SIPA1L2: variants seen among roughly 807,000 people sequenced by gnomAD.
SIPA1L2 encodes the protein signal-induced proliferation-associated 1-like protein 2.
SIPA1L2 carries 56 observed loss-of-function variants against 163.9 expected under a neutral mutation model. The observed-to-expected ratio is 0.34, with a 90% CI of 0.28 to 0.43. SIPA1L2 has a LOEUF of 0.43. Among genes scored for constraint, SIPA1L2 ranks in the 20% least tolerant of loss-of-function variants. The pLI, the probability that SIPA1L2 is intolerant of heterozygous loss-of-function variation, is 1.00. For missense variants in SIPA1L2, 1,974 were observed against 2,193.5 expected, an observed-to-expected ratio of 0.90 and a Z score of 2.00; for synonymous variants, 877 against 865.7, an observed-to-expected ratio of 1.01 and a Z score of -0.23.
At chr1:232,459,453 T>C (rs1664110825) in intron 10 of SIPA1L2, among the ~76,000 whole-genome samples, 3 of 152,166 alleles carry the variant, frequency 2.0e-5, no homozygotes, top group African/African-American at 7.2e-5. Flanking sequence ...CCTACTATCT[T>C]TGGATAATCA....
intron 2 of SIPA1L2, among the ~76,000 whole-genome samples, chr1:232,544,423 GGTGGCAGGCGCCTGT>G (rs1374463005): frequency 1.3e-5 from 2 of 152,138 alleles, no homozygotes; most frequent in African/African-American, 4.8e-5. Flanking sequence ...AGCCAGGCGT[GGTGGCAGGCGCCTGT>G]AGTCCCAGCT....
intron 18 of SIPA1L2, among the ~76,000 whole-genome samples, chr1:232,423,067 C>G (rs1237126090): frequency 6.6e-6 from 1 of 152,170 alleles, no homozygotes; most frequent in Admixed American, 6.5e-5. Flanking sequence ...CAATGCTGAA[C>G]TGGCAGTGAG....
chr1:232,440,049 A>G (rs2102857862), intron 14 of SIPA1L2, among the ~76,000 whole-genome samples: 1 of 152,370 alleles, frequency 6.6e-6, no homozygotes, highest in South Asian at 2.1e-4. Flanking sequence ...GCTGCAAAGT[A>G]CACGGTAAAC....
At chr1:232,608,267 C>T (rs1301713504) in intron 1 of SIPA1L2, among the ~76,000 whole-genome samples, 9 of 152,092 alleles carry the variant, frequency 5.9e-5, no homozygotes, top group Non-Finnish European at 7.3e-5. Context: ...AGGCTGGTCT[C>T]GAACTCCTGA....
At chr1:232,508,550 C>T (rs1213707091) in intron 3 of SIPA1L2, among the ~76,000 whole-genome samples, 3 of 152,238 alleles carry the variant, frequency 2.0e-5, no homozygotes, top group African/African-American at 7.2e-5. Context: ...GGAAACCAGA[C>T]TCACTGATGC....
At chr1:232,527,509 T>C (rs1339763584) in intron 2 of SIPA1L2, among the ~76,000 whole-genome samples, 5 of 152,194 alleles carry the variant, frequency 3.3e-5, no homozygotes, top group African/African-American at 7.2e-5. Flanking sequence ...ATGTTTCAAG[T>C]ATGAACTGAG....
chr1:232,550,463 TA>T (rs1658310734), intron 2 of SIPA1L2, among the ~76,000 whole-genome samples: 1 of 152,214 alleles, frequency 6.6e-6, no homozygotes, highest in Non-Finnish European at 1.5e-5. Flanking sequence ...CACCTTCATT[TA>T]TATAAGAAAT....
chr1:232,578,768 C>G (rs920577912), intron 1 of SIPA1L2, among the ~76,000 whole-genome samples: 1 of 152,110 alleles, frequency 6.6e-6, no homozygotes, highest in Non-Finnish European at 1.5e-5. Context: ...AATTAATGTT[C>G]CACTCTTTTA....
intron 2 of SIPA1L2, among the ~76,000 whole-genome samples, chr1:232,521,134 T>C (rs978369547): frequency 6.6e-6 from 1 of 152,214 alleles, no homozygotes; most frequent in Non-Finnish European, 1.5e-5. Flanking sequence ...ATAAATATTT[T>C]TGAACATGAG....
chr1:232,427,201 G>A (rs967478028), intron 17 of SIPA1L2, among the ~76,000 whole-genome samples: 6 of 152,176 alleles, frequency 3.9e-5, no homozygotes, highest in South Asian at 2.1e-4. Context: ...ACAGTATCAT[G>A]TACATGACTT....
chr1:232,414,331 T>A (rs901053498), intron 19 of SIPA1L2, among the ~76,000 whole-genome samples: 3 of 152,072 alleles, frequency 2.0e-5, no homozygotes, highest in Admixed American at 1.3e-4. Context: ...ACCAGCTGGG[T>A]AGAGCGAAGC....
chr1:232,529,088 A>C (rs1342185979), intron 2 of SIPA1L2, among the ~76,000 whole-genome samples: 1 of 152,204 alleles, frequency 6.6e-6, no homozygotes, highest in African/African-American at 2.4e-5. Flanking sequence ...AAATGCTAAC[A>C]GTTAGGTCAT....
intron 3 of SIPA1L2, among the ~76,000 whole-genome samples, chr1:232,510,247 T>C (rs1234185793): frequency 6.6e-6 from 1 of 151,472 alleles, no homozygotes; most frequent in Non-Finnish European, 1.5e-5. Flanking sequence ...TATATATATA[T>C]GAATAAAGAT....
chr1:232,614,171 T>C (rs12024119), intron 1 of SIPA1L2, among the ~76,000 whole-genome samples: 1 of 152,118 alleles, frequency 6.6e-6, no homozygotes, highest in African/African-American at 2.4e-5. Flanking sequence ...GATTGCCAGA[T>C]ACTTCGTGTA....
intron 18 of SIPA1L2, among the ~76,000 whole-genome samples, chr1:232,418,638 G>A (rs889079807): frequency 1.3e-5 from 2 of 152,156 alleles, no homozygotes; most frequent in East Asian, 1.9e-4. Flanking sequence ...AGATGGTTTC[G>A]GGGTGTATAT....
intron 2 of SIPA1L2, among the ~76,000 whole-genome samples, chr1:232,530,147 G>C (rs1341897146): frequency 6.6e-6 from 1 of 151,090 alleles, no homozygotes; most frequent in Non-Finnish European, 1.5e-5. Flanking sequence ...ATGGAGTCTT[G>C]CTCTGTCGCC....
chr1:232,399,031 T>C lies in SIPA1L2; in HGVS notation c.*96A>G. ...CACAGAATGGAACAGCAAAAACATC[T>C]ACGATTGGTTGAAAGCACACAGAAA... On this transcript the variant is annotated 3_prime_UTR_variant, in exon 23 of 23. Transcript: ENST00000674635. 2 of 1,539,910 alleles carry C rather than the reference T, an allele frequency of 1.3e-6. No homozygotes were observed. Among genetic ancestry groups the C allele is most frequent in the Non-Finnish European group, 8.8e-7 (1 of 1,132,028 alleles).
chr1:232,500,400 G>A (rs1666407315), intron 3 of SIPA1L2, among the ~76,000 whole-genome samples: 1 of 152,182 alleles, frequency 6.6e-6, no homozygotes, highest in East Asian at 1.9e-4. Context: ...TTGGAAGCCT[G>A]GAAGGGATTC....
At chr1:232,606,064 A>G (rs879501432) in intron 1 of SIPA1L2, among the ~76,000 whole-genome samples, 8 of 152,238 alleles carry the variant, frequency 5.3e-5, no homozygotes, top group Admixed American at 2.6e-4. Flanking sequence ...TTGTAACAGC[A>G]AGAGAAAGGA....
Sources: gnomAD v4.1 joint callset for allele counts (sites outside exome capture counted in the v4.1 genomes callset) on GRCh38, gnomAD v4.1.1 for gene constraint, MANE v1.5 for transcripts, NCBI Gene and HGNC (gene_info 2026-07-23, HGNC 2026-07-21) for gene names.